The following LOXL2 variants were observed in gnomAD, a reference collection of about 807,000 sequenced individuals.
LOXL2 encodes the protein lysyl oxidase like 2.
LOXL2 carries 70 observed loss-of-function variants against 93.0 expected under a neutral mutation model. The observed-to-expected ratio is 0.75, with a 90% CI of 0.62 to 0.92. The LOEUF (loss-of-function observed/expected upper bound fraction) is 0.92, where lower values mean the gene tolerates loss of function less well. Ranked by LOEUF, LOXL2 falls within the 40% of genes least tolerant of loss-of-function variation. The pLI, the probability that LOXL2 is intolerant of heterozygous loss-of-function variation, is 0.00. For missense variants in LOXL2, 973 were observed against 1,054.9 expected, an observed-to-expected ratio of 0.92 and a Z score of 1.08; for synonymous variants, 438 against 413.2, an observed-to-expected ratio of 1.06 and a Z score of -0.73.
chr8:23,392,785 G>T lies in LOXL2; in HGVS notation c.-84+11169C>A, dbSNP rs374282993. On this transcript the variant is annotated intron_variant, in intron 1 of 13. Transcript: ENST00000389131. Reference sequence around the variant, plus strand: ...CACTTCATGAACACCTACTCTTTAAGAATCGACTCACGTGTGTGTATAAAA... The same window carrying T: ...CACTTCATGAACACCTACTCTTTAATAATCGACTCACGTGTGTGTATAAAA... Among the ~76,000 whole-genome samples, 9 of 152,222 alleles carry T rather than the reference G, an allele frequency of 5.9e-5. No homozygotes were observed. The East Asian group carries it at 1.5e-3, about 26-fold the overall frequency.
At position 23,328,068 on chromosome 8, in the gene LOXL2, C is replaced by T. The variant is rs140633646; in HGVS notation, c.1150+314G>A. Among the ~76,000 whole-genome samples, 507 of 152,164 alleles carry T rather than the reference C, an allele frequency of 3.3e-3. 4 individuals carry two copies. The highest frequency in any genetic ancestry group is 0.012 in the African/African-American group (488 of 41,526). On this transcript the variant is annotated intron_variant, in intron 6 of 13. Transcript: ENST00000389131. ...AGAACCCTGGCGTTTTTTGGTAAGA[C>T]AGCAGAGAGCACTGGGTTAGGAGCT...
At position 23,298,869 on chromosome 8, in the gene LOXL2, C is replaced by T. The variant is rs768171524; in HGVS notation, c.2212G>A (p.Gly738Ser). 1.8e-5 allele frequency: 29 copies of T among 1,613,676 alleles called. No homozygotes were observed. The highest frequency in any genetic ancestry group is 1.7e-4 in the Middle Eastern group (1 of 6,012). ...CAGTTGTACATCCAGATGCGGTGGC[C>T]GTCATAGCGGCTCCTGCATTTCATG... ...NIMKCRSRYD[G>S]HRIWMYNCHI... Residue 738 changes from glycine (G) to serine (S), a missense_variant, in exon 13 of 14, where the codon GGC becomes AGC. Coordinates refer to ENST00000389131, the MANE Select transcript of LOXL2 (RefSeq NM_002318.3).
intron 9 of LOXL2, 159 bp downstream of exon 9, chr8:23,316,790 C>T (rs1237591359): frequency 1.2e-5 from 8 of 686,138 alleles, no homozygotes; most frequent in African/African-American, 3.6e-5. Context: ...GTTGGGGTGG[C>T]GGTCATCTCT....
At chr8:23,396,900 G>A (rs943387668) in intron 1 of LOXL2, among the ~76,000 whole-genome samples, 3 of 152,222 alleles carry the variant, frequency 2.0e-5, no homozygotes, top group African/African-American at 7.2e-5. Context: ...ACAGGCATTT[G>A]TACACCAATG....
At chr8:23,340,888 G>T in intron 4 of LOXL2, 104 bp downstream of exon 4, 2 of 1,064,820 alleles carry the variant, frequency 1.9e-6, no homozygotes, top group Non-Finnish European at 1.4e-6. Context: ...CAGCTTGCCT[G>T]GCCATGCCTG....
chr8:23,340,283 T>A (rs1803860732), intron 4 of LOXL2, among the ~76,000 whole-genome samples: 1 of 152,186 alleles, frequency 6.6e-6, no homozygotes, highest in Admixed American at 6.5e-5. Context: ...CAAGCCAGTA[T>A]TCCTATCATT....
intron 1 of LOXL2, among the ~76,000 whole-genome samples, chr8:23,375,378 T>G (rs1272018289): frequency 2.6e-5 from 4 of 152,028 alleles, no homozygotes; most frequent in African/African-American, 9.7e-5. Context: ...GTCAGGTAGC[T>G]TGATGCCTCC....
intron 9 of LOXL2, among the ~76,000 whole-genome samples, chr8:23,315,370 GCATT>G (rs1803378801): frequency 6.6e-6 from 1 of 152,178 alleles, no homozygotes; most frequent in Non-Finnish European, 1.5e-5. Context: ...ACTCTAACGT[GCATT>G]TAGCCAGAGC....
intron 1 of LOXL2, among the ~76,000 whole-genome samples, chr8:23,374,285 T>A (rs1050160528): frequency 2.0e-5 from 3 of 152,124 alleles, no homozygotes; most frequent in Admixed American, 6.6e-5. Context: ...GAACTCATCC[T>A]TTTTTATGGC....
At position 23,323,871 on chromosome 8, in the gene LOXL2, T is replaced by G. The variant is rs1168503867; in HGVS notation, c.1151-1590A>C. Among the ~76,000 whole-genome samples, 3 of 152,076 alleles carry G rather than the reference T, an allele frequency of 2.0e-5. No homozygotes were observed. The East Asian group carries it at 5.8e-4, about 29-fold the overall frequency. On this transcript the variant is annotated intron_variant, in intron 6 of 13. Transcript: ENST00000389131. ...CACATGCCACCATGCCCAGCTAATT[T>G]TTGTGTTTTTAGTAGACATGGGGTT... is the stretch of plus-strand genomic sequence containing the variant.
chr8:23,315,683 C>T lies in LOXL2; in HGVS notation c.1636+1266G>A, dbSNP rs1585346422. On this transcript the variant is annotated intron_variant, in intron 9 of 13. Coordinates refer to ENST00000389131, the MANE Select transcript of LOXL2 (RefSeq NM_002318.3). ...TCTTTGCTCTGGCTGCTAGGAAGCT[C>T]ACTGTGAAATGAATGACCTACTCAT... Among the ~76,000 whole-genome samples the T allele has an allele frequency of 2.6e-5, 4 of 152,312 alleles. 1 individual carries two copies. In the Middle Eastern group the frequency reaches 0.01, roughly 389 times the overall value.
intron 12 of LOXL2, among the ~76,000 whole-genome samples, chr8:23,301,687 G>A (rs1467923102): frequency 1.3e-5 from 2 of 152,194 alleles, no homozygotes; most frequent in African/African-American, 4.8e-5. Context: ...AGCTCCATAG[G>A]AGACAAGAGG....
At position 23,317,127 on chromosome 8, in the gene LOXL2, A is replaced by C. The variant is rs1803416010; in HGVS notation, c.1471-13T>G. ...AATACCAGGTCTCCTGGAAGAACCA[A>C]CAAAACAAATGGTGGGTACATCATC... On this transcript the variant is annotated splice_polypyrimidine_tract_variant and intron_variant, in intron 8 of 13. Transcript: ENST00000389131. 1 of 1,613,368 alleles carries C rather than the reference A, an allele frequency of 6.2e-7. No individual in the cohort carries two copies. The highest frequency in any genetic ancestry group is 8.5e-7 in the Non-Finnish European group (1 of 1,179,674).
chr8:23,317,139 G>A (rs1427286249), intron 8 of LOXL2, 25 bp from the exon 9 acceptor site: 2 of 1,609,788 alleles, frequency 1.2e-6, no homozygotes, highest in African/African-American at 1.3e-5. Flanking sequence ...AAAACAAATG[G>A]TGGGTACATC....
intron 1 of LOXL2, among the ~76,000 whole-genome samples, chr8:23,370,014 A>C (rs1804470770): frequency 6.6e-6 from 1 of 152,208 alleles, no homozygotes. Flanking sequence ...AGAGTTGCAC[A>C]GTTACTGCAA....
At chr8:23,361,074 G>A (rs889280660) in intron 2 of LOXL2, among the ~76,000 whole-genome samples, 13 of 152,034 alleles carry the variant, frequency 8.6e-5, no homozygotes, top group African/African-American at 2.4e-4. Flanking sequence ...CTAATTTTTT[G>A]TATTTTAGTA....
chr8:23,315,179 GA>G (rs1203364533), intron 9 of LOXL2, among the ~76,000 whole-genome samples: 2 of 152,198 alleles, frequency 1.3e-5, no homozygotes, highest in Non-Finnish European at 2.9e-5. Context: ...CAGTGGCAGG[GA>G]AAGACATACA....
At chr8:23,352,482 G>T (rs1044726885) in intron 3 of LOXL2, among the ~76,000 whole-genome samples, 3 of 152,130 alleles carry the variant, frequency 2.0e-5, no homozygotes, top group Non-Finnish European at 2.9e-5. Flanking sequence ...GAGATTCCTG[G>T]CTGGGAAGGG....
chr8:23,319,760 A>C, intron 8 of LOXL2, 125 bp downstream of exon 8: 2 of 1,076,716 alleles, frequency 1.9e-6, no homozygotes, highest in South Asian at 3.0e-5. Context: ...CTCTGGGTCC[A>C]GGGCAACTTG....
Sources: gnomAD v4.1 joint callset for allele counts (sites outside exome capture counted in the v4.1 genomes callset) on GRCh38, gnomAD v4.1.1 for gene constraint, MANE v1.5 for transcripts, NCBI Gene and HGNC (gene_info 2026-07-23, HGNC 2026-07-21) for gene names.